The following CDH23 variants were observed in gnomAD, a reference collection of about 807,000 sequenced individuals.
The protein encoded by CDH23 is cadherin related 23.
Under a neutral mutation model 317.1 loss-of-function variants are expected in CDH23, and 189 were observed. The observed-to-expected ratio is 0.60, with a 90% CI of 0.53 to 0.67. CDH23 has a LOEUF of 0.67. Among genes scored for constraint, CDH23 ranks in the 30% least tolerant of loss-of-function variants. The pLI is 0.00. For missense variants in CDH23, 4,401 were observed against 4,592.4 expected (o/e 0.96, Z 1.20); for synonymous variants, 1,839 against 1,876.8 (o/e 0.98, Z 0.52).
At chr10:71,712,908 G>T in intron 28 of CDH23, 95 bp downstream of exon 28, 1 of 1,451,704 alleles carries the variant, frequency 6.9e-7, no homozygotes, top group Non-Finnish European at 9.5e-7. Flanking sequence ...ACCAGAGGCG[G>T]AAGCAGGTGG....
intron 11 of CDH23, 149 bp from the exon 12 acceptor site, chr10:71,643,712 C>T (rs1589290902): frequency 4.8e-6 from 3 of 626,716 alleles, no homozygotes; most frequent in African/African-American, 1.8e-5. Context: ...AGGCTGGGGA[C>T]AGCTGCTCCT....
intron 6 of CDH23, among the ~76,000 whole-genome samples, chr10:71,536,018 G>T (rs1195551517): frequency 6.6e-6 from 1 of 152,252 alleles, no homozygotes; most frequent in African/African-American, 2.4e-5. Context: ...CTGGTTGCCC[G>T]AGATCTGCAT....
rs115811383 is a variant in CDH23, at chr10:71,646,308, G to A, written c.1291-151G>A. On this transcript the variant is annotated intron_variant, in intron 13 of 69. Transcript: ENST00000224721. ...AGCCATCCCTAGAGCAATAACAGACGGGCTCGCAGTAGCACAGAGCTGGGA... is the reference window on the plus strand; with the variant it reads ...AGCCATCCCTAGAGCAATAACAGACAGGCTCGCAGTAGCACAGAGCTGGGA... 277 of 1,225,874 alleles carry A rather than the reference G, an allele frequency of 2.3e-4. No homozygotes were observed. In the African/African-American group the frequency reaches 3.8e-3, roughly 17 times the overall value. The allele number at this position is 1,225,874 out of a possible 1,614,324, so 75.9% of individuals were successfully genotyped here. A position where few individuals can be genotyped will look rare whatever the true frequency, so the allele number is the denominator to read the frequency against.
chr10:71,687,570 T>G, intron 18 of CDH23, 77 bp from the exon 19 acceptor site: 17 of 1,350,048 alleles, frequency 1.3e-5, no homozygotes, highest in Non-Finnish European at 1.7e-5. Flanking sequence ...GCCTGACTCC[T>G]TGGTGCCCAC....
At chr10:71,708,101 C>T (rs371389161) in intron 26 of CDH23, among the ~76,000 whole-genome samples, 136 of 152,322 alleles carry the variant, frequency 8.9e-4, no homozygotes, top group African/African-American at 3.1e-3. Context: ...ACACTATTTA[C>T]GTCCTAGTTC....
intron 38 of CDH23, among the ~76,000 whole-genome samples, chr10:71,756,722 T>A (rs1840158677): frequency 6.6e-6 from 1 of 152,178 alleles, no homozygotes; most frequent in Admixed American, 6.5e-5. Context: ...TCCTTCCCAA[T>A]TTTAGCCTTT....
intron 28 of CDH23, chr10:71,716,430 A>G (rs566756458): frequency 1.8e-6 from 2 of 1,093,986 alleles, no homozygotes; most frequent in East Asian, 2.7e-5. Context: ...GGGAATGTGG[A>G]TGGGGGCAAG....
At chr10:71,812,350 C>A (rs767107946) in intron 66 of CDH23, 130 bp from the exon 67 acceptor site, 4 of 1,599,750 alleles carry the variant, frequency 2.5e-6, no homozygotes. Flanking sequence ...GGCACCAGGG[C>A]CTCACACCCC....
At chr10:71,649,092 G>A (rs928245803) in intron 14 of CDH23, among the ~76,000 whole-genome samples, 11 of 152,088 alleles carry the variant, frequency 7.2e-5, no homozygotes, top group Non-Finnish European at 7.4e-5. Flanking sequence ...AAAACATCCT[G>A]GGTGACCCAC....
intron 6 of CDH23, among the ~76,000 whole-genome samples, chr10:71,534,460 C>T (rs114933070): frequency 0.1 from 15,601 of 152,166 alleles, 883 homozygotes; most frequent in African/African-American, 0.12. Flanking sequence ...TTACTCAAGT[C>T]AGTCTTTTGC....
Position 71,677,602 on chromosome 10 carries a change from T to C in CDH23, c.1661T>C (p.Val554Ala), listed in dbSNP as rs757561358. The C allele has an allele frequency of 6.2e-7, 1 of 1,606,272 alleles. No individual in the cohort carries two copies. The highest frequency in any genetic ancestry group is 1.1e-5 in the South Asian group (1 of 89,024). Residue 554 changes from valine (V) to alanine (A), a missense_variant, in exon 16 of 70, where the codon GTC becomes GCC. Val to Ala is a moderately conservative substitution (Grantham distance 64). Transcript: ENST00000224721. ...TGRVRINVLD[V>A]NDNVPTFQKD... The stretch of plus-strand genomic sequence containing the variant: ...CGGGTCAGGATCAATGTGTTGGATG[T>C]CAACGACAACGTGCCCACCTTCCAG...
At chr10:71,569,756 C>G (rs577364477) in intron 7 of CDH23, among the ~76,000 whole-genome samples, 1 of 152,070 alleles carries the variant, frequency 6.6e-6, no homozygotes, top group African/African-American at 2.4e-5. Context: ...GTGAAGTGCC[C>G]GGTAGAGTGG....
chr10:71,565,447 G>C (rs10823785), intron 6 of CDH23, among the ~76,000 whole-genome samples: 5 of 151,850 alleles, frequency 3.3e-5, no homozygotes, highest in Admixed American at 1.3e-4. Context: ...GCAGAATCCA[G>C]CTGGAAGCCA....
intron 3 of CDH23, among the ~76,000 whole-genome samples, chr10:71,452,217 G>A (rs1445608835): frequency 6.6e-6 from 1 of 152,122 alleles, no homozygotes; most frequent in Non-Finnish European, 1.5e-5. Flanking sequence ...GCCTGGCTTG[G>A]AGACACCAAG....
chr10:71,636,810 CG>C lies in CDH23; in HGVS notation c.1135-7049del, dbSNP rs1174237462. ...GTGCTCCACTCCCACAGTGGAGAAA[CG>C]GAGGCCTGGAGCCATGAGTGGCGGG... On this transcript the variant is annotated intron_variant, in intron 11 of 69. Transcript: ENST00000224721. Among the ~76,000 whole-genome samples the C allele has an allele frequency of 4.6e-5, 7 of 152,142 alleles. No homozygotes were observed. In the South Asian group the frequency reaches 8.3e-4, roughly 18 times the overall value.
At chr10:71,579,441 C>A (rs776121799) in intron 9 of CDH23, among the ~76,000 whole-genome samples, 29 of 152,136 alleles carry the variant, frequency 1.9e-4, no homozygotes, top group Non-Finnish European at 1.8e-4. Flanking sequence ...GTAGCGTAAA[C>A]CCCGATATGT....
At chr10:71,522,196 CATAA>C (rs1854735074) in intron 6 of CDH23, among the ~76,000 whole-genome samples, 1 of 151,868 alleles carries the variant, frequency 6.6e-6, no homozygotes, top group Non-Finnish European at 1.5e-5. Context: ...AGCAAACACT[CATAA>C]ATATTCAGCT....
intron 20 of CDH23, among the ~76,000 whole-genome samples, chr10:71,692,163 T>C (rs1251447749): frequency 6.6e-6 from 1 of 152,202 alleles, no homozygotes; most frequent in Non-Finnish European, 1.5e-5. Context: ...ATGAGGAAGC[T>C]GAGCCACTGG....
intron 17 of CDH23, among the ~76,000 whole-genome samples, chr10:71,681,934 C>G (rs987056814): frequency 1.3e-5 from 2 of 152,188 alleles, no homozygotes; most frequent in Non-Finnish European, 2.9e-5. Context: ...CTGTGCTTAC[C>G]TGGAGAGAGG....
Sources: gnomAD v4.1 joint callset for allele counts (sites outside exome capture counted in the v4.1 genomes callset) on GRCh38, gnomAD v4.1.1 for gene constraint, MANE v1.5 for transcripts, NCBI Gene and HGNC (gene_info 2026-07-23, HGNC 2026-07-21) for gene names.